GRID2IP: variants seen among roughly 807,000 people sequenced by gnomAD.
The protein encoded by GRID2IP is Grid2 interacting protein.
GRID2IP carries 78 observed loss-of-function variants against 114.3 expected under a neutral mutation model. The observed-to-expected ratio is 0.68, with a 90% confidence interval of 0.57 to 0.82. GRID2IP has a LOEUF of 0.82. GRID2IP is among the 40% of genes least tolerant of loss of function. The pLI is 0.00. For missense variants in GRID2IP, 1,727 were observed against 1,678.5 expected, an observed-to-expected ratio of 1.03 and a Z score of -0.51; for synonymous variants, 809 against 724.0, an observed-to-expected ratio of 1.12 and a Z score of -1.89.
chr7:6,503,084 A>T lies in GRID2IP; in HGVS notation c.2987T>A (p.Ile996Asn). 6.4e-7 allele frequency: 1 copy of T among 1,551,358 alleles called. No individual in the cohort carries two copies. Among genetic ancestry groups the T allele is most frequent in the Non-Finnish European group, 8.7e-7 (1 of 1,146,886 alleles). The stretch of plus-strand genomic sequence containing the variant: ...GCGCAAGCATTCAAGGCTGCCTCGG[A>T]TCTCCTCTGTCTTCTCCTGGAGGGT... ...QATLQEKTEE[I>N]RGSLECLRQA... The change falls in exon 17 of 22, where the codon ATC (isoleucine) becomes AAC (asparagine). Residue 996 changes from isoleucine (I) to asparagine (N), a missense_variant. By Grantham distance (149) the Ile-to-Asn change is moderately radical. Coordinates refer to ENST00000457091, the MANE Select transcript of GRID2IP (RefSeq NM_001145118.2).
At position 6,520,678 on chromosome 7, in the gene GRID2IP, G is replaced by C; in HGVS notation, c.1168C>G (p.Arg390Gly). The C allele has an allele frequency of 6.4e-7, 1 of 1,551,738 alleles. No individual in the cohort carries two copies. The highest frequency in any genetic ancestry group is 8.7e-7 in the Non-Finnish European group (1 of 1,147,004). Residue 390 changes from arginine (R) to glycine (G), a missense_variant, in exon 7 of 22, where the codon CGG (arginine) becomes GGG (glycine). By Grantham distance (125) the Arg-to-Gly change is moderately radical. Coordinates refer to ENST00000457091, the MANE Select transcript of GRID2IP (RefSeq NM_001145118.2). The surrounding 1 kb of genome is among the most constrained non-coding windows in gnomAD (Gnocchi z 4.6). Reference sequence around the variant, plus strand: ...TGGCTGAAGGTCCTCCCTTGGACCCGGATGCTGGACGGCAGGATCTCCGCC... The same window carrying C: ...TGGCTGAAGGTCCTCCCTTGGACCCCGATGCTGGACGGCAGGATCTCCGCC... ...WVAEILPSSI[R>G]VQGRTFSQQL...
intron 20 of GRID2IP, among the ~76,000 whole-genome samples, chr7:6,501,220 G>C (rs1055980431): frequency 6.6e-6 from 1 of 152,128 alleles, no homozygotes; most frequent in African/African-American, 2.4e-5. Flanking sequence ...GTGTGGTGGT[G>C]GGTGCCTGTA....
Position 6,526,393 on chromosome 7 carries a change from C to T in GRID2IP, c.834-84G>A. ...TTGGAGATGTCCCGTGTCCCTCTCC[C>T]CTTAACCTCTCCGGCCCCCTATGCA... On this transcript the variant is annotated intron_variant, in intron 3 of 21. Coordinates refer to ENST00000457091, the MANE Select transcript of GRID2IP (RefSeq NM_001145118.2). The surrounding 1 kb of genome is among the most constrained non-coding windows in gnomAD (Gnocchi z 7.6). 1 of 1,510,902 alleles carries T rather than the reference C, an allele frequency of 6.6e-7. No individual in the cohort carries two copies. Among genetic ancestry groups the T allele is most frequent in the Non-Finnish European group, 9.0e-7 (1 of 1,116,604 alleles). 93.6% of individuals were successfully genotyped at this position (1,510,902 alleles called of 1,614,324 possible). A position where few individuals can be genotyped will look rare whatever the true frequency, so the allele number is the denominator to read the frequency against.
In GRID2IP at chr7:6,509,795, C is replaced by G. The variant is rs140358610; in HGVS notation, c.1772-482G>C. ...CATTTATCCAATAACCACTTGCTAA[C>G]TCGGGGACTTCCTCAGAATCAGGCA... On this transcript the variant is annotated intron_variant, in intron 11 of 21. Transcript: ENST00000457091. The surrounding 1 kb of genome is among the most constrained non-coding windows in gnomAD (Gnocchi z 4.9). Among the ~76,000 whole-genome samples the G allele has an allele frequency of 5.7e-4, 87 of 152,328 alleles. No homozygotes were observed. The highest frequency in any genetic ancestry group is 1.2e-3 in the Admixed American group (18 of 15,298).
rs1260304385 is a variant in GRID2IP at position 6,551,379 on chromosome 7, G to A, written c.58C>T (p.Arg20Trp). 43 of 1,547,700 alleles carry A rather than the reference G, an allele frequency of 2.8e-5. No individual in the cohort carries two copies. The highest frequency in any genetic ancestry group is 3.4e-4 in the Middle Eastern group (2 of 5,936). Residue 20 changes from arginine to tryptophan, a missense_variant, in exon 1 of 22, where the codon CGG (arginine) becomes TGG (tryptophan). Arg to Trp is a moderately radical substitution (Grantham distance 101). Transcript: ENST00000457091. The part of the protein sequence containing the change: ...NQGWPEDFGF[R>W]LGGSGPCFVL... ...AAGCAGGGGCCAGAGCCACCTAGCC[G>A]GAAGCCAAAGTCCTCTGGCCAGCCC...
At chr7:6,513,600 A>T (rs1163624346) in intron 8 of GRID2IP, among the ~76,000 whole-genome samples, 1 of 152,182 alleles carries the variant, frequency 6.6e-6, no homozygotes, top group East Asian at 1.9e-4. Context: ...TTGTGGGTGC[A>T]AAAACTGAGA....
In GRID2IP at chr7:6,508,566, C is replaced by G. The variant is rs1035063625; in HGVS notation, c.2128-165G>C. ...CTGGGCTAAGGATAGGACTGTCTCACAGGTTAACCTCAGGCTGTGAGGGGG... is the reference window on the plus strand; with the variant it reads ...CTGGGCTAAGGATAGGACTGTCTCAGAGGTTAACCTCAGGCTGTGAGGGGG... On this transcript the variant is annotated intron_variant, in intron 12 of 21. Coordinates refer to ENST00000457091, the MANE Select transcript of GRID2IP (RefSeq NM_001145118.2). The surrounding 1 kb of genome is among the most constrained non-coding windows in gnomAD (Gnocchi z 5.6). Among the ~76,000 whole-genome samples the G allele has an allele frequency of 2.6e-5, 4 of 151,992 alleles. No homozygotes were observed. Among genetic ancestry groups the G allele is most frequent in the Non-Finnish European group, 5.9e-5 (4 of 67,986 alleles).
intron 15 of GRID2IP, among the ~76,000 whole-genome samples, chr7:6,504,210 C>T (rs115114794): frequency 0.15 from 22,828 of 147,302 alleles, 2,182 homozygotes; most frequent in Non-Finnish European, 0.21. Context: ...TTGGCCGGGG[C>T]TACTGTGAGG....
At position 6,520,348 on chromosome 7, in the gene GRID2IP, G is replaced by A. The variant is rs1187028162; in HGVS notation, c.1268+230C>T. Among the ~76,000 whole-genome samples the A allele has an allele frequency of 6.6e-6, 1 of 152,124 alleles. No homozygotes were observed. Among genetic ancestry groups the A allele is most frequent in the Non-Finnish European group, 1.5e-5 (1 of 68,008 alleles). Reference sequence around the variant, plus strand: ...CTGTCTGCCTCACTTCACAGAGAAGGCTGAGACTCGCCCAAGGTCACGTGA... The same window carrying A: ...CTGTCTGCCTCACTTCACAGAGAAGACTGAGACTCGCCCAAGGTCACGTGA... On this transcript the variant is annotated intron_variant, in intron 7 of 21. Transcript: ENST00000457091. The surrounding 1 kb of genome is among the most constrained non-coding windows in gnomAD (Gnocchi z 4.6).
In GRID2IP at chr7:6,536,711, T is replaced by A; in HGVS notation, c.584+3007A>T. On this transcript the variant is annotated intron_variant, in intron 2 of 21. Coordinates refer to ENST00000457091, the MANE Select transcript of GRID2IP (RefSeq NM_001145118.2). This position sits in a 1 kb window ranked among gnomAD's most constrained non-coding sequence, Gnocchi z 5.3. ...GACGGGGGGCTGCCTGTCAATCAGC[T>A]CCCCAGGAAGCGCTCAGAGCCAGCG... 1 of 681,526 alleles carries A rather than the reference T, an allele frequency of 1.5e-6. No individual in the cohort carries two copies. Among genetic ancestry groups the A allele is most frequent in the Non-Finnish European group, 2.7e-6 (1 of 371,544 alleles). The allele number at this position is 681,526 out of a possible 1,614,324, so 42.2% of individuals were successfully genotyped here. A position where few individuals can be genotyped will look rare whatever the true frequency, so the allele number is the denominator to read the frequency against.
chr7:6,501,384 A>T (rs10951985), intron 20 of GRID2IP, among the ~76,000 whole-genome samples: 49,585 of 151,882 alleles, frequency 0.33, 8,546 homozygotes, highest in Middle Eastern at 0.42. Context: ...ACAAACAAAT[A>T]AATAAATAAA....
At chr7:6,498,332 T>C in intron 20 of GRID2IP, 104 bp from the exon 21 acceptor site, 1 of 1,142,016 alleles carries the variant, frequency 8.8e-7, no homozygotes, top group Non-Finnish European at 1.2e-6. Context: ...CCGGTTGGCC[T>C]GAGTCCTTCC....
At chr7:6,522,226 G>A (rs751920304) in intron 4 of GRID2IP, among the ~76,000 whole-genome samples, 1 of 152,158 alleles carries the variant, frequency 6.6e-6, no homozygotes, top group Non-Finnish European at 1.5e-5. Context: ...ATGGGTGGCA[G>A]AGGAGAGTCA....
Position 6,526,675 on chromosome 7 carries a change from C to G in GRID2IP, c.679G>C (p.Ala227Pro). 6.8e-7 allele frequency: 1 copy of G among 1,470,036 alleles called. No homozygotes were observed. Among genetic ancestry groups the G allele is most frequent in the Non-Finnish European group, 9.0e-7 (1 of 1,113,360 alleles). 91.1% of individuals were successfully genotyped at this position (1,470,036 alleles called of 1,614,324 possible). The change falls in exon 3 of 22, where the codon GCG (alanine) becomes CCG (proline). Residue 227 changes from alanine (A) to proline (P), a missense_variant. Ala to Pro is a conservative substitution (Grantham distance 27, BLOSUM62 -1). Coordinates refer to ENST00000457091, the MANE Select transcript of GRID2IP (RefSeq NM_001145118.2). This position sits in a 1 kb window ranked among gnomAD's most constrained non-coding sequence, Gnocchi z 7.6. The part of the protein sequence containing the change: ...KLCRARRAQG[A>P]QRLRRSRSEE... ...CTGCGGCTCCGGCGCAGTCGCTGCG[C>G]GCCCTGGGCCCGGCGTGCGCGGCAC... is the stretch of plus-strand genomic sequence containing the variant.
chr7:6,528,009 C>T lies in GRID2IP; in HGVS notation c.585-1240G>A, dbSNP rs1028002253. Among the ~76,000 whole-genome samples, 9 of 152,092 alleles carry T rather than the reference C, an allele frequency of 5.9e-5. No individual in the cohort carries two copies. Among genetic ancestry groups the T allele is most frequent in the African/African-American group, 1.2e-4 (5 of 41,418 alleles). On this transcript the variant is annotated intron_variant, in intron 2 of 21. Transcript: ENST00000457091. This position sits in a 1 kb window ranked among gnomAD's most constrained non-coding sequence, Gnocchi z 6.0. ...CTGACCTCAGGTGATCTGCCCGCCT[C>T]GGCCTCCCAAAGTCCTGGGATTAGA...
At position 6,551,169 on chromosome 7, in the gene GRID2IP, CG is replaced by C; in HGVS notation, c.267del (p.Gly90AlafsTer22). The stretch of plus-strand genomic sequence containing the variant: ...GGGGCCGCGGGGCCGGATCCTGGGC[CG>C]GGGCCACCGTCGGGAGCCGGGAGCA... Reference protein sequence around the residue: ...LGVLPAPDGGPGPGSGPAAPT... With the variant: ...LGVLPAPDGGXGPGSGPAAPT... On this transcript the variant is annotated frameshift_variant, in exon 1 of 22. Transcript: ENST00000457091. LOFTEE classifies it high-confidence loss of function. 7.4e-7 allele frequency: 1 copy of C among 1,359,778 alleles called. No individual in the cohort carries two copies. Among genetic ancestry groups the C allele is most frequent in the Non-Finnish European group, 9.4e-7 (1 of 1,064,438 alleles). 84.2% of individuals were successfully genotyped at this position (1,359,778 alleles called of 1,614,324 possible).
Position 6,520,885 on chromosome 7 carries a change from G to GCCTTCCCAT in GRID2IP, c.1085-125_1085-124insATGGGAAGG. On this transcript the variant is annotated intron_variant, in intron 6 of 21. Transcript: ENST00000457091. The surrounding 1 kb of genome is among the most constrained non-coding windows in gnomAD (Gnocchi z 4.6). The stretch of plus-strand genomic sequence containing the variant: ...GGTGTGGCTGTCCAGTGCCATGCAT[G>GCCTTCCCAT]GGAAGGCATGCCTGTGGCCCGACAC... The GCCTTCCCAT allele has an allele frequency of 1.1e-6, 1 of 906,276 alleles. No homozygotes were observed. Among genetic ancestry groups the GCCTTCCCAT allele is most frequent in the Non-Finnish European group, 1.7e-6 (1 of 605,848 alleles). 56.1% of individuals were successfully genotyped at this position (906,276 alleles called of 1,614,324 possible).
chr7:6,503,147 T>G lies in GRID2IP; in HGVS notation c.2924A>C (p.Glu975Ala). 1 of 1,526,656 alleles carries G rather than the reference T, an allele frequency of 6.6e-7. No homozygotes were observed. The highest frequency in any genetic ancestry group is 1.4e-5 in the African/African-American group (1 of 72,318). 94.6% of individuals were successfully genotyped at this position (1,526,656 alleles called of 1,614,324 possible). A position where few individuals can be genotyped will look rare whatever the true frequency, so the allele number is the denominator to read the frequency against. ...GAGGCTGCGCAGGCGTGTCTTGTAT[T>G]CGGGAACTGACAGCATCTGCCTCGA... ...QFVLQMLSVP[E>A]YKTRLRSLHF... is the part of the protein sequence containing the mutation. Residue 975 changes from glutamate to alanine, a missense_variant, in exon 17 of 22, where the codon GAA becomes GCA. Transcript: ENST00000457091.
intron 10 of GRID2IP, 40 bp downstream of exon 10, chr7:6,510,569 C>T (rs567967663): frequency 4.8e-6 from 7 of 1,450,742 alleles, no homozygotes; most frequent in African/African-American, 1.4e-5. Context: ...CCATTCCCTG[C>T]CCCCTACTGA....
Sources: allele counts gnomAD v4.1 joint callset (sites outside exome capture counted in the v4.1 genomes callset), GRCh38; gene constraint gnomAD v4.1.1; non-coding constraint Gnocchi (gnomAD v3.1); transcripts MANE v1.5; gene names NCBI Gene and HGNC (gene_info 2026-07-23, HGNC 2026-07-21).